The following MNAT1 variants were observed in gnomAD, a reference collection of about 807,000 sequenced individuals.
The protein encoded by MNAT1 is CDK-activating kinase assembly factor MAT1.
A neutral mutation model predicts 42.0 loss-of-function variants in MNAT1; 43 were observed. The observed-to-expected ratio is 1.02, with a 90% CI of 0.80 to 1.32. The LOEUF is 1.32. Among genes scored for constraint, MNAT1 ranks in the 40% most tolerant of loss-of-function variants. The probability of loss-of-function intolerance (pLI) is 0.00; values close to 1 mark genes in which losing one functional copy is unlikely to be tolerated. For missense variants in MNAT1, 306 were observed against 350.4 expected, an observed-to-expected ratio of 0.87 and a Z score of 1.01; for synonymous variants, 118 against 120.0, an observed-to-expected ratio of 0.98 and a Z score of 0.11.
chr14:60,944,641 A>G (rs2036238052), intron 7 of MNAT1, among the ~76,000 whole-genome samples: 1 of 152,232 alleles, frequency 6.6e-6, no homozygotes, highest in African/African-American at 2.4e-5. Context: ...TACTGGTCTC[A>G]GGAAAGGTAT....
intron 1 of MNAT1, among the ~76,000 whole-genome samples, chr14:60,747,814 A>G (rs1230769543): frequency 6.6e-6 from 1 of 152,208 alleles, no homozygotes; most frequent in Non-Finnish European, 1.5e-5. Context: ...CTGTTTTGTA[A>G]TACCTAGCTT....
chr14:60,808,479 C>T (rs765524848), intron 4 of MNAT1, 51 bp downstream of exon 4: 3 of 1,108,382 alleles, frequency 2.7e-6, no homozygotes, highest in Admixed American at 5.6e-5. Flanking sequence ...CAAATGTTTC[C>T]ACATGATACT....
intron 7 of MNAT1, among the ~76,000 whole-genome samples, chr14:60,909,304 C>T (rs2035289582): frequency 6.6e-6 from 1 of 152,270 alleles, no homozygotes; most frequent in South Asian, 2.1e-4. Context: ...GTTTCTTTTG[C>T]TGTGCAGAAA....
At chr14:60,934,790 CTCTT>C (rs1191466440) in intron 7 of MNAT1, among the ~76,000 whole-genome samples, 1 of 152,224 alleles carries the variant, frequency 6.6e-6, no homozygotes. Flanking sequence ...TTTCCTTCCT[CTCTT>C]TCTGGAACAT....
chr14:60,766,183 A>G (rs1226672548), intron 1 of MNAT1, among the ~76,000 whole-genome samples: 2 of 151,798 alleles, frequency 1.3e-5, no homozygotes, highest in East Asian at 3.9e-4. Context: ...CCCTGTCTCT[A>G]CTAAAAATAC....
At chr14:60,749,083 G>A (rs1035419009) in intron 1 of MNAT1, among the ~76,000 whole-genome samples, 6 of 152,068 alleles carry the variant, frequency 3.9e-5, no homozygotes, top group Non-Finnish European at 8.8e-5. Context: ...TTGTATATGT[G>A]GTCTGTCTTT....
intron 7 of MNAT1, among the ~76,000 whole-genome samples, chr14:60,911,879 TA>T (rs1206197825): frequency 6.6e-6 from 1 of 152,036 alleles, no homozygotes; most frequent in Non-Finnish European, 1.5e-5. Context: ...ATATCCTTGT[TA>T]ACTTTCTGTC....
chr14:60,935,369 A>C (rs1309437311), intron 7 of MNAT1, among the ~76,000 whole-genome samples: 1 of 129,072 alleles, frequency 7.7e-6, no homozygotes, highest in Non-Finnish European at 1.5e-5. Context: ...TTAGCATTAT[A>C]GTTGATATTG....
intron 7 of MNAT1, among the ~76,000 whole-genome samples, chr14:60,916,656 A>C (rs2035521372): frequency 6.6e-6 from 1 of 152,122 alleles, no homozygotes; most frequent in Admixed American, 6.5e-5. Context: ...CCCTGCCTCT[A>C]AAAATTTAAA....
At chr14:60,939,893 G>T (rs953048780) in intron 7 of MNAT1, among the ~76,000 whole-genome samples, 18 of 152,176 alleles carry the variant, frequency 1.2e-4, no homozygotes, top group East Asian at 5.8e-4. Context: ...CTCTAAGGAC[G>T]TGCTTTATGA....
intron 6 of MNAT1, among the ~76,000 whole-genome samples, chr14:60,867,611 T>C (rs2034234156): frequency 6.6e-6 from 1 of 152,188 alleles, no homozygotes; most frequent in South Asian, 2.1e-4. Flanking sequence ...TACATTAAAT[T>C]TGAGGGAAAT....
chr14:60,783,954 C>T (rs2031552195), intron 1 of MNAT1, among the ~76,000 whole-genome samples: 1 of 152,072 alleles, frequency 6.6e-6, no homozygotes, highest in Non-Finnish European at 1.5e-5. Flanking sequence ...TTCAGCCTCC[C>T]AAGTAGCTGG....
At chr14:60,797,796 G>A (rs1316458427) in intron 2 of MNAT1, among the ~76,000 whole-genome samples, 1 of 152,066 alleles carries the variant, frequency 6.6e-6, no homozygotes, top group African/African-American at 2.4e-5. Flanking sequence ...ATATGGTGGT[G>A]TGCGCCTGTA....
chr14:60,920,578 C>T (rs554496632), intron 7 of MNAT1, among the ~76,000 whole-genome samples: 1 of 152,010 alleles, frequency 6.6e-6, no homozygotes, highest in Non-Finnish European at 1.5e-5. Context: ...CACCTGTAAT[C>T]ATTACAGGCC....
intron 6 of MNAT1, among the ~76,000 whole-genome samples, chr14:60,836,433 T>A (rs557942906): frequency 6.6e-6 from 1 of 152,360 alleles, no homozygotes; most frequent in African/African-American, 2.4e-5. Flanking sequence ...GTGGACATCC[T>A]TTTTGTTGAT....
intron 7 of MNAT1, among the ~76,000 whole-genome samples, chr14:60,883,897 G>T (rs1366076444): frequency 6.6e-6 from 1 of 152,064 alleles, no homozygotes; most frequent in Non-Finnish European, 1.5e-5. Context: ...AAATGCTGCT[G>T]ATTTTTGTGT....
intron 6 of MNAT1, among the ~76,000 whole-genome samples, chr14:60,878,863 T>C (rs2034488992): frequency 6.6e-6 from 1 of 152,156 alleles, no homozygotes; most frequent in Admixed American, 6.6e-5. Flanking sequence ...AATGCACTGC[T>C]CTTGTCTGCA....
At chr14:60,802,360 G>T (rs2032231121) in intron 3 of MNAT1, among the ~76,000 whole-genome samples, 1 of 152,108 alleles carries the variant, frequency 6.6e-6, no homozygotes, top group Non-Finnish European at 1.5e-5. Context: ...AAATAAGCAT[G>T]TCAGGTGATG....
At chr14:60,950,970 A>G (rs1237380071) in intron 7 of MNAT1, among the ~76,000 whole-genome samples, 1 of 152,192 alleles carries the variant, frequency 6.6e-6, no homozygotes, top group African/African-American at 2.4e-5. Context: ...TGGGGAATGT[A>G]TAACATTTTT....
Sources: gnomAD v4.1 joint callset for allele counts (sites outside exome capture counted in the v4.1 genomes callset) on GRCh38, gnomAD v4.1.1 for gene constraint, MANE v1.5 for transcripts, NCBI Gene and HGNC (gene_info 2026-07-23, HGNC 2026-07-21) for gene names.